ARNT2: variants seen among roughly 807,000 people sequenced by gnomAD.
ARNT2 encodes aryl hydrocarbon receptor nuclear translocator 2, also known as ARNT protein 2.
A neutral mutation model predicts 91.7 loss-of-function variants in ARNT2; 36 were observed. The ratio of observed to expected loss-of-function variants is 0.39; its 90% CI spans 0.30 to 0.52. The LOEUF is 0.52. Among genes scored for constraint, ARNT2 ranks in the 20% least tolerant of loss-of-function variants. The pLI, the probability that ARNT2 is intolerant of heterozygous loss-of-function variation, is 0.72. For missense variants in ARNT2, 775 were observed against 939.3 expected (o/e 0.83, Z 2.29); for synonymous variants, 365 against 347.1 (o/e 1.05, Z -0.57).
chr15:80,476,475 A>G (rs1446838960), intron 5 of ARNT2, among the ~76,000 whole-genome samples: 3 of 152,274 alleles, frequency 2.0e-5, no homozygotes, highest in Non-Finnish European at 2.9e-5. Flanking sequence ...CAAGAGTTAT[A>G]GAAGCATTAT....
intron 1 of ARNT2, among the ~76,000 whole-genome samples, chr15:80,435,321 CT>C (rs1449684102): frequency 2.0e-5 from 3 of 152,172 alleles, no homozygotes; most frequent in Non-Finnish European, 4.4e-5. Context: ...AGTTTTGGTT[CT>C]CACTTTTGAA....
At chr15:80,589,559 G>C (rs1053276712) in intron 17 of ARNT2, among the ~76,000 whole-genome samples, 2 of 152,146 alleles carry the variant, frequency 1.3e-5, no homozygotes, top group African/African-American at 4.8e-5. Context: ...TTCAGCACAG[G>C]TGGCTATGTC....
intron 1 of ARNT2, among the ~76,000 whole-genome samples, chr15:80,420,576 AATAT>A (rs1192121574): frequency 6.6e-6 from 1 of 151,856 alleles, no homozygotes; most frequent in African/African-American, 2.4e-5. Flanking sequence ...CATCTGTATG[AATAT>A]ATATATTATG....
intron 8 of ARNT2, among the ~76,000 whole-genome samples, chr15:80,520,775 A>G (rs1340378494): frequency 6.6e-6 from 1 of 152,194 alleles, no homozygotes; most frequent in Non-Finnish European, 1.5e-5. Flanking sequence ...GTGTTTGGAT[A>G]CGTGGGTGTT....
At chr15:80,453,560 CATG>C (rs1174217640) in intron 2 of ARNT2, among the ~76,000 whole-genome samples, 1 of 152,198 alleles carries the variant, frequency 6.6e-6, no homozygotes, top group Non-Finnish European at 1.5e-5. Context: ...TCTAGAAGCT[CATG>C]ATAATAGCTC....
chr15:80,495,608 T>C (rs1897115372), intron 5 of ARNT2, among the ~76,000 whole-genome samples: 1 of 152,230 alleles, frequency 6.6e-6, no homozygotes. Context: ...CAGAAGCATG[T>C]TTCTCAAGTC....
At chr15:80,539,426 C>G (rs544104739) in intron 8 of ARNT2, among the ~76,000 whole-genome samples, 1 of 152,032 alleles carries the variant, frequency 6.6e-6, no homozygotes, top group African/African-American at 2.4e-5. Flanking sequence ...TCTTTGTAAA[C>G]TAATAATAGA....
At chr15:80,577,006 C>A in intron 15 of ARNT2, 41 bp downstream of exon 15, 6 of 1,592,176 alleles carry the variant, frequency 3.8e-6, no homozygotes, top group Non-Finnish European at 5.2e-6. Context: ...GGAAGATGCT[C>A]CCTCACCAAG....
chr15:80,487,262 G>A (rs567653545), intron 5 of ARNT2, among the ~76,000 whole-genome samples: 24 of 152,260 alleles, frequency 1.6e-4, no homozygotes, highest in South Asian at 4.1e-4. Flanking sequence ...CCACCTCCCC[G>A]TGCCTTGGGT....
chr15:80,539,371 A>G (rs1424821464), intron 8 of ARNT2, among the ~76,000 whole-genome samples: 1 of 152,174 alleles, frequency 6.6e-6, no homozygotes, highest in African/African-American at 2.4e-5. Flanking sequence ...GAAAAAAACT[A>G]TTGACAAAAT....
At chr15:80,424,026 G>A (rs575796798) in intron 1 of ARNT2, among the ~76,000 whole-genome samples, 1 of 152,258 alleles carries the variant, frequency 6.6e-6, no homozygotes, top group East Asian at 1.9e-4. Flanking sequence ...TCTCAGGCAG[G>A]TTCTACCCAA....
At chr15:80,552,416 G>A (rs887249351) in intron 9 of ARNT2, among the ~76,000 whole-genome samples, 8 of 152,144 alleles carry the variant, frequency 5.3e-5, no homozygotes, top group Non-Finnish European at 1.2e-4. Flanking sequence ...TATTCCCATT[G>A]GTTGATAAGG....
At chr15:80,412,908 G>A (rs1290091022) in intron 1 of ARNT2, among the ~76,000 whole-genome samples, 1 of 152,210 alleles carries the variant, frequency 6.6e-6, no homozygotes, top group Non-Finnish European at 1.5e-5. Flanking sequence ...GCAGGTAGGT[G>A]GATGAGTAGG....
At chr15:80,409,581 T>G (rs765424668) in intron 1 of ARNT2, among the ~76,000 whole-genome samples, 4 of 151,712 alleles carry the variant, frequency 2.6e-5, no homozygotes, top group Non-Finnish European at 4.4e-5. Context: ...GGGACTGATC[T>G]TGGTTCTGGG....
chr15:80,413,621 T>A (rs1402185624), intron 1 of ARNT2, among the ~76,000 whole-genome samples: 1 of 152,218 alleles, frequency 6.6e-6, no homozygotes, highest in Non-Finnish European at 1.5e-5. Flanking sequence ...CAGGTGGAAC[T>A]AGGCATCTCT....
At chr15:80,425,148 G>T (rs1176674271) in intron 1 of ARNT2, among the ~76,000 whole-genome samples, 2 of 152,212 alleles carry the variant, frequency 1.3e-5, no homozygotes, top group Non-Finnish European at 2.9e-5. Flanking sequence ...CAGTAGCCTT[G>T]TTTCTGTCAA....
chr15:80,544,087 C>T (rs1897954300), intron 8 of ARNT2, among the ~76,000 whole-genome samples: 2 of 152,192 alleles, frequency 1.3e-5, no homozygotes, highest in Non-Finnish European at 2.9e-5. Flanking sequence ...CTTTCATCTC[C>T]AGAAGTTTGC....
chr15:80,527,232 C>T (rs1160438768), intron 8 of ARNT2, among the ~76,000 whole-genome samples: 1 of 152,198 alleles, frequency 6.6e-6, no homozygotes, highest in Non-Finnish European at 1.5e-5. Flanking sequence ...TGACACAGTT[C>T]CTGTTCTTAA....
In ARNT2 at chr15:80,596,972, TAGCCA is replaced by T; in HGVS notation, c.*3275_*3279del. 3 of 358,200 alleles carry T rather than the reference TAGCCA, an allele frequency of 8.4e-6. No individual in the cohort carries two copies. Among genetic ancestry groups the T allele is most frequent in the Non-Finnish European group, 1.1e-5 (2 of 181,588 alleles). The allele number at this position is 358,200 out of a possible 1,614,324, so 22.2% of individuals were successfully genotyped here. ...TTCAGGGAGTGACAGCCATCACAAA[TAGCCA>T]CATTCTGCTCTACTCTCCAACATAC... On this transcript the variant is annotated 3_prime_UTR_variant, in exon 19 of 19. Coordinates refer to ENST00000303329, the MANE Select transcript of ARNT2 (RefSeq NM_014862.4).
Sources: allele counts gnomAD v4.1 joint callset (sites outside exome capture counted in the v4.1 genomes callset), GRCh38; gene constraint gnomAD v4.1.1; transcripts MANE v1.5; gene names NCBI Gene and HGNC (gene_info 2026-07-23, HGNC 2026-07-21).